The following KCNA2 variants were observed in gnomAD, a reference collection of about 807,000 sequenced individuals.
The protein encoded by KCNA2 is potassium voltage-gated channel subfamily A member 2, also known as potassium channel, voltage gated shaker related subfamily A, member 2.
Under a neutral mutation model 33.4 loss-of-function variants are expected in KCNA2, and 11 were observed. The observed-to-expected ratio is 0.33, with a 90% CI of 0.21 to 0.55. The LOEUF is 0.55. KCNA2 is among the 20% of genes least tolerant of loss of function. The probability of loss-of-function intolerance (pLI) is 0.93; values close to 1 mark genes in which losing one functional copy is unlikely to be tolerated. For missense variants in KCNA2, 291 were observed against 621.6 expected (o/e 0.47, Z 5.66); for synonymous variants, 222 against 231.3 (o/e 0.96, Z 0.37).
At chr1:110,617,010 G>C (rs1352517940) in intron 1 of KCNA2, among the ~76,000 whole-genome samples, 1 of 152,210 alleles carries the variant, frequency 6.6e-6, no homozygotes, top group East Asian at 1.9e-4. Flanking sequence ...CTTTACGGAG[G>C]AGCAGAATGT....
Position 110,598,778 on chromosome 1 carries a change from T to A in KCNA2, c.*4505A>T. On this transcript the variant is annotated 3_prime_UTR_variant, in exon 3 of 3. Coordinates refer to ENST00000316361, the MANE Select transcript of KCNA2 (RefSeq NM_004974.4). ...CAAGCAGAGAAGAAGGAAGAGAGCA[T>A]GTCAAATATTACTGAAGTTTCAGAA... The A allele has an allele frequency of 2.0e-6, 2 of 985,304 alleles. No individual in the cohort carries two copies. Among genetic ancestry groups the A allele is most frequent in the Non-Finnish European group, 2.4e-6 (2 of 829,896 alleles). The allele number at this position is 985,304 out of a possible 1,614,324, so 61.0% of individuals were successfully genotyped here.
At chr1:110,613,287 A>G (rs1418108426) in intron 1 of KCNA2, among the ~76,000 whole-genome samples, 1 of 152,196 alleles carries the variant, frequency 6.6e-6, no homozygotes, top group Non-Finnish European at 1.5e-5. Context: ...CAGACCTGTC[A>G]CACCAGGTCC....
chr1:110,603,619 C>T lies in KCNA2; in HGVS notation c.1164G>A (p.Lys388=). The T allele has an allele frequency of 6.2e-7, 1 of 1,614,164 alleles. No homozygotes were observed. The highest frequency in any genetic ancestry group is 2.2e-5 in the East Asian group (1 of 44,888). The change falls in exon 3 of 3, where the codon AAG becomes AAA. Residue 388 remains lysine, a synonymous_variant. Transcript: ENST00000316361. The surrounding 1 kb of genome is among the most constrained non-coding windows in gnomAD (Gnocchi z 5.7). ...GDMVPTTIGG[K]IVGSLCAIAG... ...CAATCGCACATAGGGAACCCACTAT[C>T]TTTCCCCCAATGGTAGTCGGAACCA...
chr1:110,594,261 G>A lies in KCNA2; in HGVS notation c.*9022C>T. 9.9e-7 allele frequency: 1 copy of A among 1,006,564 alleles called. No homozygotes were observed. The highest frequency in any genetic ancestry group is 1.2e-6 in the Non-Finnish European group (1 of 845,136). 62.4% of individuals were successfully genotyped at this position (1,006,564 alleles called of 1,614,324 possible). On this transcript the variant is annotated 3_prime_UTR_variant, in exon 3 of 3. Coordinates refer to ENST00000316361, the MANE Select transcript of KCNA2 (RefSeq NM_004974.4). The stretch of plus-strand genomic sequence containing the variant: ...GAGTCTGTGCTGCATGAGCCTAAGT[G>A]AGTGGCGGCCATTTCCTCTCTCTCT...
Position 110,594,568 on chromosome 1 carries a change from C to G in KCNA2, c.*8715G>C, listed in dbSNP as rs1227076165. The G allele has an allele frequency of 5.1e-6, 5 of 985,188 alleles. No homozygotes were observed. The highest frequency in any genetic ancestry group is 6.0e-6 in the Non-Finnish European group (5 of 829,920). 61.0% of individuals were successfully genotyped at this position (985,188 alleles called of 1,614,324 possible). Reference sequence around the variant, plus strand: ...GGGATGCAGAAAACCAGGAAGAGGCCAATTTGGCTGGGGTATTGTTTGCTC... The same window carrying G: ...GGGATGCAGAAAACCAGGAAGAGGCGAATTTGGCTGGGGTATTGTTTGCTC... On this transcript the variant is annotated 3_prime_UTR_variant, in exon 3 of 3. Coordinates refer to ENST00000316361, the MANE Select transcript of KCNA2 (RefSeq NM_004974.4).
At chr1:110,619,595 C>A (rs988197049) in intron 1 of KCNA2, among the ~76,000 whole-genome samples, 39 of 152,366 alleles carry the variant, frequency 2.6e-4, no homozygotes, top group African/African-American at 9.1e-4. Flanking sequence ...CTGCGGCCGT[C>A]AACGCCCACG....
chr1:110,603,136 A>G lies in KCNA2; in HGVS notation c.*147T>C. On this transcript the variant is annotated 3_prime_UTR_variant, in exon 3 of 3. Transcript: ENST00000316361. The surrounding 1 kb of genome is among the most constrained non-coding windows in gnomAD (Gnocchi z 5.7). ...ATAGATATTCTGTGTTCTAAATCAA[A>G]AGTCAAAAGATCAAAAGTCACTTGC... 6.9e-7 allele frequency: 1 copy of G among 1,446,650 alleles called. No homozygotes were observed. Among genetic ancestry groups the G allele is most frequent in the Non-Finnish European group, 9.1e-7 (1 of 1,104,738 alleles). The allele number at this position is 1,446,650 out of a possible 1,614,324, so 89.6% of individuals were successfully genotyped here.
chr1:110,602,054 C>G lies in KCNA2; in HGVS notation c.*1229G>C. The G allele has an allele frequency of 6.5e-7, 1 of 1,549,766 alleles. No individual in the cohort carries two copies. Among genetic ancestry groups the G allele is most frequent in the Non-Finnish European group, 8.7e-7 (1 of 1,146,398 alleles). On this transcript the variant is annotated 3_prime_UTR_variant, in exon 3 of 3. Coordinates refer to ENST00000316361, the MANE Select transcript of KCNA2 (RefSeq NM_004974.4). ...CCTGCCTGTCATCAGGACCAGATGCCCTGGTCCACTGTACAGTCATGCCCG... is the reference window on the plus strand; with the variant it reads ...CCTGCCTGTCATCAGGACCAGATGCGCTGGTCCACTGTACAGTCATGCCCG...
chr1:110,600,101 A>G lies in KCNA2; in HGVS notation c.*3182T>C. 1.0e-6 allele frequency: 1 copy of G among 985,010 alleles called. No individual in the cohort carries two copies. The highest frequency in any genetic ancestry group is 1.2e-6 in the Non-Finnish European group (1 of 829,874). 61.0% of individuals were successfully genotyped at this position (985,010 alleles called of 1,614,324 possible). On this transcript the variant is annotated 3_prime_UTR_variant, in exon 3 of 3. Transcript: ENST00000316361. ...TTGAAAGATCCTGGGGGATATAGAC[A>G]CAGGCCAGGCAAAGGTGATTACATC...
chr1:110,618,090 C>G (rs995178063), intron 1 of KCNA2, among the ~76,000 whole-genome samples: 1 of 152,140 alleles, frequency 6.6e-6, no homozygotes, highest in African/African-American at 2.4e-5. Context: ...GCCTGTAATC[C>G]CAGCATTTTG....
upstream of KCNA2, chr1:110,606,507 G>T (rs1200611905): frequency 6.6e-6 from 1 of 152,206 alleles, no homozygotes; most frequent in Admixed American, 6.5e-5. Context: ...CATCGCCCCG[G>T]GCTCCGGCCG....
At chr1:110,621,090 T>G (rs1451196224) in intron 1 of KCNA2, among the ~76,000 whole-genome samples, 1 of 152,224 alleles carries the variant, frequency 6.6e-6, no homozygotes, top group African/African-American at 2.4e-5. Flanking sequence ...ATGACCCTCT[T>G]GGACAACCAA....
Position 110,603,105 on chromosome 1 carries a change from G to A in KCNA2, c.*178C>T. 1 of 1,422,664 alleles carries A rather than the reference G, an allele frequency of 7.0e-7. No individual in the cohort carries two copies. The highest frequency in any genetic ancestry group is 9.1e-7 in the Non-Finnish European group (1 of 1,094,578). The allele number at this position is 1,422,664 out of a possible 1,614,324, so 88.1% of individuals were successfully genotyped here. A position where few individuals can be genotyped will look rare whatever the true frequency, so the allele number is the denominator to read the frequency against. ...GCCGGTGATGAGGATGTGCATGAAA[G>A]CCATGATAGATATTCTGTGTTCTAA... On this transcript the variant is annotated 3_prime_UTR_variant, in exon 3 of 3. Coordinates refer to ENST00000316361, the MANE Select transcript of KCNA2 (RefSeq NM_004974.4). This position sits in a 1 kb window ranked among gnomAD's most constrained non-coding sequence, Gnocchi z 5.7.
chr1:110,598,180 A>C lies in KCNA2; in HGVS notation c.*5103T>G. On this transcript the variant is annotated 3_prime_UTR_variant, in exon 3 of 3. Coordinates refer to ENST00000316361, the MANE Select transcript of KCNA2 (RefSeq NM_004974.4). ...AACCTCCATTGTGCAACCAAGGAGC[A>C]CCATGGATATTATAGCCCTCGCAGA... The C allele has an allele frequency of 1.6e-6, 1 of 615,116 alleles. No individual in the cohort carries two copies. The highest frequency in any genetic ancestry group is 2.0e-6 in the Non-Finnish European group (1 of 491,854). The allele number at this position is 615,116 out of a possible 1,614,324, so 38.1% of individuals were successfully genotyped here. A position where few individuals can be genotyped will look rare whatever the true frequency, so the allele number is the denominator to read the frequency against.
At chr1:110,626,374 T>G (rs1397852517) in intron 1 of KCNA2, among the ~76,000 whole-genome samples, 4 of 152,166 alleles carry the variant, frequency 2.6e-5, no homozygotes, top group African/African-American at 7.2e-5. Context: ...AGTGTGCTAC[T>G]TTTGAGTACA....
chr1:110,609,663 GTC>G (rs1307592843), upstream of KCNA2, among the ~76,000 whole-genome samples: 2 of 152,096 alleles, frequency 1.3e-5, no homozygotes, highest in Non-Finnish European at 2.9e-5. Flanking sequence ...ATGTTGTCCT[GTC>G]TCTATCCTTT....
chr1:110,620,629 T>G (rs1414307527), intron 1 of KCNA2, among the ~76,000 whole-genome samples: 1 of 152,124 alleles, frequency 6.6e-6, no homozygotes, highest in Non-Finnish European at 1.5e-5. Flanking sequence ...AACCAACAGA[T>G]GGTCTGAGGT....
rs532572418 is a variant in KCNA2 at position 110,596,921 on chromosome 1, C to A, written c.*6362G>T. On this transcript the variant is annotated 3_prime_UTR_variant, in exon 3 of 3. Coordinates refer to ENST00000316361, the MANE Select transcript of KCNA2 (RefSeq NM_004974.4). ...ATTGTCCAGTCTGAACATTTAAGCT[C>A]ACAGATGTTAGGAAAGGGGACTCTT... The A allele has an allele frequency of 6.1e-6, 6 of 985,446 alleles. No individual in the cohort carries two copies. The South Asian group carries it at 2.8e-4, about 46-fold the overall frequency. 61.0% of individuals were successfully genotyped at this position (985,446 alleles called of 1,614,324 possible). A position where few individuals can be genotyped will look rare whatever the true frequency, so the allele number is the denominator to read the frequency against.
At chr1:110,626,377 T>C (rs930170767) in intron 1 of KCNA2, among the ~76,000 whole-genome samples, 24 of 152,038 alleles carry the variant, frequency 1.6e-4, no homozygotes, top group African/African-American at 5.8e-4. Flanking sequence ...GTGCTACTTT[T>C]GAGTACAAAA....
Sources: gnomAD v4.1 joint callset for allele counts (sites outside exome capture counted in the v4.1 genomes callset) on GRCh38, gnomAD v4.1.1 for gene constraint, Gnocchi (gnomAD v3.1) non-coding constraint, MANE v1.5 for transcripts, NCBI Gene and HGNC (gene_info 2026-07-23, HGNC 2026-07-21) for gene names.